The following MYO16 variants were observed in gnomAD, a reference collection of about 807,000 sequenced individuals.
The protein encoded by MYO16 is unconventional myosin-XVI.
In MYO16, 94 loss-of-function variants were observed where a neutral mutation model predicts 205.3. That is an observed-to-expected ratio of 0.46 (90% CI 0.39 to 0.54). The LOEUF is 0.54. Ranked by LOEUF, MYO16 falls within the 20% of genes least tolerant of loss-of-function variation. MYO16 has a pLI of 0.00. For missense variants in MYO16, 2,315 were observed against 2,387.5 expected (o/e 0.97, Z 0.63); for synonymous variants, 988 against 954.0 (o/e 1.04, Z -0.66).
At chr13:108,590,508 T>A in the MYO16 span, among the ~76,000 whole-genome samples, 1 of 152,200 alleles carries the variant, frequency 6.6e-6, no homozygotes, top group Non-Finnish European at 1.5e-5. Flanking sequence ...GAACCTGTAA[T>A]CAATGAGACC....
chr13:108,508,491 GT>G, the MYO16 span, among the ~76,000 whole-genome samples: 1 of 148,348 alleles, frequency 6.7e-6, no homozygotes, highest in African/African-American at 2.5e-5. Context: ...CAAGCCAACC[GT>G]TCTCTTTTGT....
chr13:108,946,132 A>G (rs933209243), intron 16 of MYO16, among the ~76,000 whole-genome samples: 17 of 152,070 alleles, frequency 1.1e-4, no homozygotes, highest in Admixed American at 3.9e-4. Flanking sequence ...ATTTTATTGT[A>G]TCTCCATCCC....
chr13:108,599,429 A>G (rs1317614117), intron 1 of MYO16, among the ~76,000 whole-genome samples: 2 of 152,036 alleles, frequency 1.3e-5, no homozygotes, highest in Admixed American at 1.3e-4. Flanking sequence ...TGACTTCCAC[A>G]ATGGTTGAAC....
chr13:109,014,472 C>T (rs1265850881), intron 22 of MYO16, among the ~76,000 whole-genome samples: 1 of 152,080 alleles, frequency 6.6e-6, no homozygotes, highest in Admixed American at 6.6e-5. Context: ...TCCATATGAA[C>T]TTTAAAGTAG....
chr13:109,107,810 C>CATATTATATTATGTT (rs1555332131), intron 28 of MYO16, among the ~76,000 whole-genome samples: 2 of 141,398 alleles, frequency 1.4e-5, no homozygotes, highest in African/African-American at 5.2e-5. Flanking sequence ...CATATATATT[C>CATATTATATTATGTT]ATATTATATT....
rs573859432 is a variant in MYO16, at chr13:108,725,444, A to G, written c.364-1996A>G. Reference sequence around the variant, plus strand: ...GGGGGCTACTAAGTTATTTGGAAACAGTTTCATCTTTTCAGGGCCTGAATT... The same window carrying G: ...GGGGGCTACTAAGTTATTTGGAAACGGTTTCATCTTTTCAGGGCCTGAATT... On this transcript the variant is annotated intron_variant, in intron 3 of 34. Transcript: ENST00000457511. Among the ~76,000 whole-genome samples the G allele has an allele frequency of 4.4e-4, 67 of 152,316 alleles. No homozygotes were observed. In the South Asian group the frequency reaches 9.7e-3, roughly 22 times the overall value.
intron 14 of MYO16, among the ~76,000 whole-genome samples, chr13:108,896,353 G>A (rs941069516): frequency 2.0e-5 from 3 of 152,020 alleles, no homozygotes; most frequent in African/African-American, 7.2e-5. Flanking sequence ...ATACAAAAAC[G>A]AAGAGTTACT....
At chr13:108,704,267 C>T (rs748439015) in intron 2 of MYO16, among the ~76,000 whole-genome samples, 2 of 151,986 alleles carry the variant, frequency 1.3e-5, no homozygotes, top group Non-Finnish European at 2.9e-5. Context: ...TAAAATAATG[C>T]TAGATAAATG....
chr13:109,054,521 T>C (rs962255062), intron 25 of MYO16, among the ~76,000 whole-genome samples: 5 of 152,072 alleles, frequency 3.3e-5, no homozygotes, highest in African/African-American at 1.2e-4. Context: ...TCATGATAAA[T>C]ATGAACAGTT....
chr13:109,003,524 C>A (rs1885287495), intron 21 of MYO16, among the ~76,000 whole-genome samples: 1 of 152,116 alleles, frequency 6.6e-6, no homozygotes, highest in South Asian at 2.1e-4. Flanking sequence ...AGACACAGGC[C>A]ACATCCATTT....
At chr13:108,791,958 A>C (rs1175387231) in intron 5 of MYO16, among the ~76,000 whole-genome samples, 4 of 152,242 alleles carry the variant, frequency 2.6e-5, no homozygotes, top group African/African-American at 9.6e-5. Flanking sequence ...TAAGAGACAA[A>C]GTGCTCAGAA....
chr13:108,771,054 A>G (rs959835496), intron 4 of MYO16, among the ~76,000 whole-genome samples: 1 of 152,146 alleles, frequency 6.6e-6, no homozygotes, highest in Non-Finnish European at 1.5e-5. Context: ...CTAATGGCGT[A>G]TTTTCTGATC....
At chr13:108,883,559 C>G (rs1000483035) in intron 13 of MYO16, among the ~76,000 whole-genome samples, 1 of 152,018 alleles carries the variant, frequency 6.6e-6, no homozygotes, top group South Asian at 2.1e-4. Context: ...CATTTTATTT[C>G]TTTCCAAAGG....
chr13:108,649,171 G>T (rs912815941), intron 1 of MYO16, among the ~76,000 whole-genome samples: 1 of 151,972 alleles, frequency 6.6e-6, no homozygotes, highest in Non-Finnish European at 1.5e-5. Context: ...GCATGGATAC[G>T]TATGTAACTA....
chr13:108,954,041 C>T (rs1015656327), intron 16 of MYO16, among the ~76,000 whole-genome samples: 2 of 152,200 alleles, frequency 1.3e-5, no homozygotes, highest in African/African-American at 4.8e-5. Flanking sequence ...ACCGGGATTT[C>T]TTCACAGGGC....
At chr13:108,526,401 A>G in the MYO16 span, among the ~76,000 whole-genome samples, 1 of 152,208 alleles carries the variant, frequency 6.6e-6, no homozygotes. Context: ...TTTATATTGT[A>G]TTTGAAAAAT....
chr13:109,067,275 C>T (rs752640967), intron 27 of MYO16, among the ~76,000 whole-genome samples: 1 of 152,130 alleles, frequency 6.6e-6, no homozygotes, highest in Non-Finnish European at 1.5e-5. Flanking sequence ...AATGTTTTTC[C>T]AAATAACATT....
intron 27 of MYO16, among the ~76,000 whole-genome samples, chr13:109,080,811 T>G (rs1277428961): frequency 6.6e-6 from 1 of 152,202 alleles, no homozygotes; most frequent in Non-Finnish European, 1.5e-5. Flanking sequence ...ATTTCTCATA[T>G]ATTATCTCAA....
chr13:108,781,483 C>T (rs888523416), intron 4 of MYO16, among the ~76,000 whole-genome samples: 5 of 152,306 alleles, frequency 3.3e-5, no homozygotes, highest in African/African-American at 7.2e-5. Context: ...CTGCTTGGTC[C>T]AGCCAACTCC....
Sources: allele counts gnomAD v4.1 joint callset (sites outside exome capture counted in the v4.1 genomes callset), GRCh38; gene constraint gnomAD v4.1.1; transcripts MANE v1.5; gene names NCBI Gene and HGNC (gene_info 2026-07-23, HGNC 2026-07-21).